The following DLG2 variants were observed in gnomAD, a reference collection of about 807,000 sequenced individuals.
The protein encoded by DLG2 is discs large MAGUK scaffold protein 2.
In DLG2, 45 loss-of-function variants were observed where a neutral mutation model predicts 132.5. That is an observed-to-expected ratio of 0.34 (90% CI 0.27 to 0.44). DLG2 has a LOEUF of 0.44. Ranked by LOEUF, DLG2 falls within the 20% of genes least tolerant of loss-of-function variation. DLG2 has a pLI of 1.00. For missense variants in DLG2, 1,045 were observed against 1,196.9 expected, an observed-to-expected ratio of 0.87 and a Z score of 1.87; for synonymous variants, 424 against 419.6, an observed-to-expected ratio of 1.01 and a Z score of -0.13.
intron 6 of DLG2, among the ~76,000 whole-genome samples, chr11:85,028,850 A>G (rs2060771024): frequency 6.6e-6 from 1 of 152,034 alleles, no homozygotes. Context: ...TCCAACTCTG[A>G]AAAGGGCTGG....
At chr11:83,814,798 T>C (rs2048376261) in intron 17 of DLG2, 1 of 229,550 alleles carries the variant, frequency 4.4e-6, no homozygotes, top group South Asian at 9.1e-5. Flanking sequence ...TCAATTCCTT[T>C]ATCTGAGTTT....
At chr11:83,821,055 T>C (rs1373130065) in intron 17 of DLG2, among the ~76,000 whole-genome samples, 1 of 152,196 alleles carries the variant, frequency 6.6e-6, no homozygotes, top group Non-Finnish European at 1.5e-5. Context: ...TATGAACACC[T>C]GTGTGTGCCT....
rs760944257 is a variant in DLG2, at chr11:84,108,763, T to C, written c.625-9716A>G. Among the ~76,000 whole-genome samples the C allele has an allele frequency of 6.1e-5, 8 of 130,864 alleles. No homozygotes were observed. The East Asian group carries it at 6.9e-4, about 11-fold the overall frequency. The allele number at this position is 130,864 out of a possible 152,430, so 85.9% of individuals were successfully genotyped here. A position where few individuals can be genotyped will look rare whatever the true frequency, so the allele number is the denominator to read the frequency against. On this transcript the variant is annotated intron_variant, in intron 9 of 27. Transcript: ENST00000376104. ...ATACTTTTTATTGTGTACAAACTTATTGGAGAGTGCTGAAGGGGAGAACAG... is the reference window on the plus strand; with the variant it reads ...ATACTTTTTATTGTGTACAAACTTACTGGAGAGTGCTGAAGGGGAGAACAG...
In DLG2 at chr11:85,019,251, A is replaced by C. The variant is rs533154283; in HGVS notation, c.357+92410T>G. Reference sequence around the variant, plus strand: ...AAATTAAAAGCAAAAATTACAGGGTAAGACTTAACAAAACTACTAGGAGTG... The same window carrying C: ...AAATTAAAAGCAAAAATTACAGGGTCAGACTTAACAAAACTACTAGGAGTG... On this transcript the variant is annotated intron_variant, in intron 6 of 27. Transcript: ENST00000376104. 3.9e-5 allele frequency among the ~76,000 whole-genome samples: 6 copies of C among 152,286 alleles called. No homozygotes were observed. The South Asian group carries it at 1.2e-3, about 32-fold the overall frequency.
At chr11:83,496,268 T>A (rs1565474767) in intron 21 of DLG2, among the ~76,000 whole-genome samples, 2 of 151,480 alleles carry the variant, frequency 1.3e-5, no homozygotes, top group Non-Finnish European at 1.5e-5. Flanking sequence ...AAAGCCAAAG[T>A]TCACTTGATA....
At chr11:84,713,322 G>A (rs2060650996) in intron 6 of DLG2, among the ~76,000 whole-genome samples, 1 of 151,988 alleles carries the variant, frequency 6.6e-6, no homozygotes, top group Non-Finnish European at 1.5e-5. Flanking sequence ...TGTAACACTG[G>A]GGTAACCAGG....
At chr11:84,591,591 G>A (rs972120104) in intron 6 of DLG2, among the ~76,000 whole-genome samples, 5 of 151,810 alleles carry the variant, frequency 3.3e-5, no homozygotes, top group Non-Finnish European at 4.4e-5. Flanking sequence ...AACCCGGGAG[G>A]TGGAGGTTGC....
At chr11:84,527,228 C>T (rs545695134) in intron 7 of DLG2, among the ~76,000 whole-genome samples, 3 of 152,250 alleles carry the variant, frequency 2.0e-5, no homozygotes, top group Middle Eastern at 3.4e-3. Context: ...ATCTTATGAC[C>T]AGTCGGGGTT....
At chr11:83,936,265 CACTT>C (rs1413787003) in intron 14 of DLG2, among the ~76,000 whole-genome samples, 1 of 152,202 alleles carries the variant, frequency 6.6e-6, no homozygotes, top group African/African-American at 2.4e-5. Flanking sequence ...TCTAAAGACT[CACTT>C]TTGCTCTGTA....
intron 3 of DLG2, among the ~76,000 whole-genome samples, chr11:85,582,910 T>TTTGCAAA (rs1162813805): frequency 3.4e-5 from 5 of 149,202 alleles, no homozygotes. Flanking sequence ...TCTAGGTACA[T>TTTGCAAA]TAGATGATTC....
chr11:84,268,413 G>A (rs930877982), intron 7 of DLG2, among the ~76,000 whole-genome samples: 1 of 151,162 alleles, frequency 6.6e-6, no homozygotes, highest in Non-Finnish European at 1.5e-5. Flanking sequence ...TCAAGGACCA[G>A]TCATTCCATT....
At chr11:85,611,887 C>T (rs570224824) in intron 2 of DLG2, among the ~76,000 whole-genome samples, 1 of 151,782 alleles carries the variant, frequency 6.6e-6, no homozygotes, top group African/African-American at 2.4e-5. Context: ...AGAACAGCAG[C>T]ATAAGCAGCT....
intron 7 of DLG2, among the ~76,000 whole-genome samples, chr11:84,335,210 G>A (rs2098478631): frequency 7.0e-6 from 1 of 143,062 alleles, no homozygotes. Flanking sequence ...GGAAAGGAAA[G>A]GAATGAAGGA....
At chr11:84,150,696 C>T (rs1165933217) in intron 9 of DLG2, among the ~76,000 whole-genome samples, 1 of 152,074 alleles carries the variant, frequency 6.6e-6, no homozygotes, top group East Asian at 1.9e-4. Flanking sequence ...TTCCAGTTCT[C>T]AATGGGAATG....
intron 11 of DLG2, among the ~76,000 whole-genome samples, chr11:83,987,784 T>C (rs1174660215): frequency 6.6e-6 from 1 of 152,022 alleles, no homozygotes; most frequent in African/African-American, 2.4e-5. Context: ...GACATAGGCA[T>C]GGGCAAGGAC....
intron 7 of DLG2, among the ~76,000 whole-genome samples, chr11:84,260,170 C>A (rs941460051): frequency 1.3e-5 from 2 of 152,020 alleles, no homozygotes; most frequent in Admixed American, 1.3e-4. Context: ...AATGATGGAG[C>A]AGCCTGGAGA....
chr11:85,564,831 G>A (rs913076562), intron 3 of DLG2, among the ~76,000 whole-genome samples: 1 of 151,948 alleles, frequency 6.6e-6, no homozygotes, highest in Non-Finnish European at 1.5e-5. Context: ...GCAATTTGGG[G>A]AGAACTAGCA....
In DLG2 at chr11:83,982,778, T is replaced by C. The variant is rs543717214; in HGVS notation, c.920-2136A>G. Among the ~76,000 whole-genome samples, 3 of 152,316 alleles carry C rather than the reference T, an allele frequency of 2.0e-5. No individual in the cohort carries two copies. The South Asian group carries it at 6.2e-4, about 32-fold the overall frequency. On this transcript the variant is annotated intron_variant, in intron 11 of 27. Transcript: ENST00000376104. ...ATTTACCCAGAGCAATTTTCAGTCC[T>C]ATAGGTTCCACTCATGCTAAATGCC...
At chr11:84,662,977 C>T (rs1367827057) in intron 6 of DLG2, among the ~76,000 whole-genome samples, 2 of 151,918 alleles carry the variant, frequency 1.3e-5, no homozygotes, top group Non-Finnish European at 2.9e-5. Flanking sequence ...AAAAGCCCTA[C>T]CAGGTTACAG....
Sources: allele counts gnomAD v4.1 joint callset (sites outside exome capture counted in the v4.1 genomes callset), GRCh38; gene constraint gnomAD v4.1.1; transcripts MANE v1.5; gene names NCBI Gene and HGNC (gene_info 2026-07-23, HGNC 2026-07-21).